The following CPED1 variants were observed in gnomAD, a reference collection of about 807,000 sequenced individuals.
The protein encoded by CPED1 is cadherin-like and PC-esterase domain-containing protein 1.
In CPED1, 114 loss-of-function variants were observed where a neutral mutation model predicts 128.2. The ratio of observed to expected loss-of-function variants is 0.89; its 90% CI spans 0.76 to 1.04. The LOEUF is 1.04. CPED1 is among the 50% of genes least tolerant of loss of function. The pLI, the probability that CPED1 is intolerant of heterozygous loss-of-function variation, is 0.00. For missense variants in CPED1, 1,211 were observed against 1,207.1 expected (o/e 1.00, Z -0.05); for synonymous variants, 462 against 426.7 (o/e 1.08, Z -1.02).
intron 18 of CPED1, among the ~76,000 whole-genome samples, chr7:121,263,898 C>T (rs537896493): frequency 2.0e-5 from 3 of 152,034 alleles, no homozygotes; most frequent in Non-Finnish European, 2.9e-5. Flanking sequence ...CCTTTACTAT[C>T]GTTATGGACT....
At chr7:121,205,446 A>C (rs952217851) in intron 16 of CPED1, among the ~76,000 whole-genome samples, 7 of 152,032 alleles carry the variant, frequency 4.6e-5, no homozygotes, top group Non-Finnish European at 8.8e-5. Context: ...ATTGATATTT[A>C]GGAAACTCCA....
chr7:121,224,787 C>CTTTTTTTTTTTTTTTT (rs143087799), intron 16 of CPED1, among the ~76,000 whole-genome samples: 19 of 56,256 alleles, frequency 3.4e-4, no homozygotes, highest in African/African-American at 8.4e-4. Flanking sequence ...GCAACCCCTG[C>CTTTTTTTTTTTTTTTT]TTTTTTTTTT....
chr7:121,175,649 T>G (rs537839545), intron 16 of CPED1, among the ~76,000 whole-genome samples: 10 of 152,264 alleles, frequency 6.6e-5, no homozygotes, highest in African/African-American at 2.4e-4. Context: ...ATAACACTTA[T>G]TTCTTGAATT....
In CPED1 at chr7:121,266,775, A is replaced by G. The variant is rs1792135890; in HGVS notation, c.2600A>G (p.Asn867Ser). 1.2e-6 allele frequency: 2 copies of G among 1,612,712 alleles called. No individual in the cohort carries two copies. Among genetic ancestry groups the G allele is most frequent in the East Asian group, 2.2e-5 (1 of 44,846 alleles). ...GGTGGTGTTCAGTGGCTTAATTCCA[A>G]TCACCTGCAAATTATTCACAAAGTT... ...VVGGVQWLNSNHLQIIHKVLK... is the reference protein window; with the variant it reads ...VVGGVQWLNSSHLQIIHKVLK... The change falls in exon 20 of 23, where the codon AAT becomes AGT. Residue 867 changes from asparagine (N) to serine (S), a missense_variant. Transcript: ENST00000310396.
At chr7:121,241,303 C>G (rs1434348274) in intron 17 of CPED1, among the ~76,000 whole-genome samples, 4 of 40,792 alleles carry the variant, frequency 9.8e-5, no homozygotes, top group Admixed American at 2.2e-4. Context: ...AGCCGAGATC[C>G]CGCCACTGCA....
At chr7:121,081,296 A>G (rs1159315262) in intron 5 of CPED1, among the ~76,000 whole-genome samples, 1 of 152,148 alleles carries the variant, frequency 6.6e-6, no homozygotes, top group Non-Finnish European at 1.5e-5. Flanking sequence ...TTTCATTTGC[A>G]TTTGAAGTTG....
intron 22 of CPED1, among the ~76,000 whole-genome samples, chr7:121,288,301 C>T (rs1242425678): frequency 6.6e-6 from 1 of 151,998 alleles, no homozygotes; most frequent in East Asian, 1.9e-4. Context: ...AAATAGTTTC[C>T]AAGGGAAACC....
At chr7:121,250,630 C>T (rs940780403) in intron 18 of CPED1, among the ~76,000 whole-genome samples, 6 of 152,210 alleles carry the variant, frequency 3.9e-5, no homozygotes, top group South Asian at 2.1e-4. Flanking sequence ...AAATGACAAA[C>T]GGGATATCAC....
At position 121,133,875 on chromosome 7, in the gene CPED1, G is replaced by A. The variant is rs745323175; in HGVS notation, c.1630G>A (p.Ala544Thr). The change falls in exon 13 of 23, where the codon GCA (alanine) becomes ACA (threonine). Residue 544 changes from alanine (A) to threonine (T), a missense_variant. By Grantham distance (58) the Ala-to-Thr change is moderately conservative. Coordinates refer to ENST00000310396, the MANE Select transcript of CPED1 (RefSeq NM_024913.5). The part of the protein sequence containing the change: ...NIEKPQVPFD[A>T]IENKKAAVPQ... Reference sequence around the variant, plus strand: ...TGAAAAACCACAAGTGCCATTTGATGCAATAGAAAATAAAAAAGGTAAAAA... The same window carrying A: ...TGAAAAACCACAAGTGCCATTTGATACAATAGAAAATAAAAAAGGTAAAAA... The A allele has an allele frequency of 3.2e-6, 5 of 1,584,400 alleles. No individual in the cohort carries two copies. The highest frequency in any genetic ancestry group is 2.3e-5 in the East Asian group (1 of 44,310).
chr7:121,128,566 C>T (rs2116326765), intron 11 of CPED1, 80 bp downstream of exon 11: 6 of 727,990 alleles, frequency 8.2e-6, no homozygotes, highest in Non-Finnish European at 1.2e-5. Context: ...ATTTTGACAT[C>T]AAACTAGATT....
At chr7:120,995,268 T>G (rs1405995681) in intron 2 of CPED1, among the ~76,000 whole-genome samples, 2 of 152,178 alleles carry the variant, frequency 1.3e-5, no homozygotes, top group African/African-American at 4.8e-5. Flanking sequence ...CCAAATCTAA[T>G]GAGATCTATT....
chr7:121,243,093 G>C (rs1798440319), intron 17 of CPED1, among the ~76,000 whole-genome samples: 1 of 152,016 alleles, frequency 6.6e-6, no homozygotes, highest in Admixed American at 6.6e-5. Flanking sequence ...AGCCAGAATG[G>C]ACAAAGTTTT....
Position 121,015,868 on chromosome 7 carries a change from A to G in CPED1, c.433+20A>G. 7.0e-7 allele frequency: 1 copy of G among 1,421,854 alleles called. No individual in the cohort carries two copies. Among genetic ancestry groups the G allele is most frequent in the Non-Finnish European group, 9.2e-7 (1 of 1,084,812 alleles). 88.1% of individuals were successfully genotyped at this position (1,421,854 alleles called of 1,614,324 possible). On this transcript the variant is annotated intron_variant, in intron 3 of 22. Coordinates refer to ENST00000310396, the MANE Select transcript of CPED1 (RefSeq NM_024913.5). ...AACAAGGTCAGAATAGTGAGAAGTA[A>G]CTGCCAAAGTCACTTGACATATAAT... is the stretch of plus-strand genomic sequence containing the variant.
chr7:121,106,091 C>T (rs931491968), intron 7 of CPED1, among the ~76,000 whole-genome samples: 3 of 152,154 alleles, frequency 2.0e-5, no homozygotes, highest in Admixed American at 1.3e-4. Flanking sequence ...CGTTGTCTAT[C>T]ATCCTTATTT....
intron 3 of CPED1, among the ~76,000 whole-genome samples, chr7:121,033,284 C>A (rs1792784658): frequency 6.6e-6 from 1 of 152,118 alleles, no homozygotes; most frequent in Admixed American, 6.6e-5. Flanking sequence ...AGACGATTAT[C>A]ATTTCCTGTG....
chr7:121,127,204 C>T lies in CPED1; in HGVS notation c.1249C>T (p.Leu417Phe), dbSNP rs1411697222. ...TTTTCTCTTCCCTAATGAATCATCA[C>T]TTTCCATATTTTCTGAGATATTTCA... ...FNFLFPNESS[L>F]SIFSEIFQRL... The change falls in exon 10 of 23, where the codon CTT becomes TTT. Residue 417 changes from leucine to phenylalanine, a missense_variant. Physicochemically the swap from Leu to Phe is conservative, Grantham distance 22 (BLOSUM62 0). Transcript: ENST00000310396. The T allele has an allele frequency of 3.1e-6, 5 of 1,594,524 alleles. No homozygotes were observed. Among genetic ancestry groups the T allele is most frequent in the Non-Finnish European group, 4.3e-6 (5 of 1,164,380 alleles).
At position 121,063,206 on chromosome 7, in the gene CPED1, C is replaced by T. The variant is rs967163103; in HGVS notation, c.541-1032C>T. On this transcript the variant is annotated intron_variant, in intron 4 of 22. Coordinates refer to ENST00000310396, the MANE Select transcript of CPED1 (RefSeq NM_024913.5). ...AAAGAGAGTTTGCTGAACACATGAA[C>T]AGGGTTAATAAAGTAGCAAGGATTG... Among the ~76,000 whole-genome samples the T allele has an allele frequency of 3.3e-5, 5 of 151,874 alleles. No homozygotes were observed. In the East Asian group the frequency reaches 9.7e-4, roughly 29 times the overall value.
chr7:121,168,839 T>C (rs1796591099), intron 16 of CPED1, among the ~76,000 whole-genome samples: 2 of 152,210 alleles, frequency 1.3e-5, no homozygotes, highest in Non-Finnish European at 1.5e-5. Flanking sequence ...ATGGGATGTT[T>C]GTCTTCCTGT....
intron 16 of CPED1, among the ~76,000 whole-genome samples, chr7:121,225,418 CT>C (rs2116634113): frequency 6.6e-6 from 1 of 152,112 alleles, no homozygotes; most frequent in Admixed American, 6.5e-5. Context: ...ACATTTTTTC[CT>C]TCATTTCAAC....
Sources: gnomAD v4.1 joint callset for allele counts (sites outside exome capture counted in the v4.1 genomes callset) on GRCh38, gnomAD v4.1.1 for gene constraint, MANE v1.5 for transcripts, NCBI Gene and HGNC (gene_info 2026-07-23, HGNC 2026-07-21) for gene names.